PLD1: variants seen among roughly 807,000 people sequenced by gnomAD.
PLD1 encodes choline phosphatase 1.
In PLD1, 112 loss-of-function variants were observed where a neutral mutation model predicts 137.1. The ratio of observed to expected loss-of-function variants is 0.82; its 90% CI spans 0.70 to 0.96. The LOEUF (loss-of-function observed/expected upper bound fraction) is 0.96, where lower values mean the gene tolerates loss of function less well. Ranked by LOEUF, PLD1 falls within the 40% of genes least tolerant of loss-of-function variation. The pLI is 0.00. For synonymous variants in PLD1, 431 were observed against 454.7 expected (o/e 0.95, Z 0.66); for missense variants, 1,321 against 1,342.0 (o/e 0.98, Z 0.24).
intron 1 of PLD1, among the ~76,000 whole-genome samples, chr3:171,761,056 A>C (rs1001319040): frequency 2.0e-5 from 3 of 152,204 alleles, no homozygotes; most frequent in African/African-American, 7.2e-5. Context: ...TAATAAGATA[A>C]ATGTATACAT....
At chr3:171,704,457 G>GAAAAAAAAAAAAAAAAAAAAAAAAA (rs1362665761) in intron 11 of PLD1, among the ~76,000 whole-genome samples, 3 of 98,178 alleles carry the variant, frequency 3.1e-5, no homozygotes, top group African/African-American at 9.2e-5. Context: ...CAAAGAACCA[G>GAAAAAAAAAAAAAAAAAAAAAAAAA]GAAAAAAAAA....
intron 1 of PLD1, among the ~76,000 whole-genome samples, chr3:171,785,978 C>T (rs916735501): frequency 3.9e-5 from 6 of 152,164 alleles, no homozygotes; most frequent in African/African-American, 1.2e-4. Context: ...GCTTACCACA[C>T]AGGAGGGGTT....
intron 21 of PLD1, among the ~76,000 whole-genome samples, chr3:171,658,252 G>A (rs2108427010): frequency 6.6e-6 from 1 of 152,294 alleles, no homozygotes; most frequent in South Asian, 2.1e-4. Context: ...TTGGAAGACA[G>A]TCTGGCAGTT....
chr3:171,692,418 T>A lies in PLD1; in HGVS notation c.1252A>T (p.Met418Leu), dbSNP rs1228448342. The A allele has an allele frequency of 6.3e-7, 1 of 1,592,976 alleles. No homozygotes were observed. The highest frequency in any genetic ancestry group is 1.1e-5 in the South Asian group (1 of 90,606). Residue 418 changes from methionine to leucine, a missense_variant, in exon 13 of 27, where the codon ATG becomes TTG. Coordinates refer to ENST00000351298, the MANE Select transcript of PLD1 (RefSeq NM_002662.5). ...KAQQGVRIFI[M>L]LYKEVELALG... ...GCGAGTTCCACCTCTTTGTAGAGCA[T>A]TATGAAGATCCTCACTCCTTGTTGC...
At chr3:171,631,864 A>C (rs1734695190) in intron 23 of PLD1, among the ~76,000 whole-genome samples, 1 of 152,206 alleles carries the variant, frequency 6.6e-6, no homozygotes, top group Non-Finnish European at 1.5e-5. Flanking sequence ...ATATAGAAAA[A>C]AATGATGGAA....
intron 1 of PLD1, among the ~76,000 whole-genome samples, chr3:171,805,751 T>A (rs949874842): frequency 1.3e-5 from 2 of 152,256 alleles, no homozygotes; most frequent in African/African-American, 4.8e-5. Context: ...GAGGATGGAA[T>A]CACAGGTTAT....
intron 1 of PLD1, among the ~76,000 whole-genome samples, chr3:171,749,392 C>T (rs1407706489): frequency 1.3e-5 from 2 of 152,178 alleles, no homozygotes; most frequent in Non-Finnish European, 2.9e-5. Context: ...GCTACACTGC[C>T]TATTTAAAAG....
intron 21 of PLD1, among the ~76,000 whole-genome samples, chr3:171,652,744 G>A (rs892229480): frequency 3.4e-5 from 5 of 146,508 alleles, no homozygotes; most frequent in Non-Finnish European, 5.9e-5. Context: ...GGGACCACAG[G>A]CATGTACCAG....
intron 14 of PLD1, among the ~76,000 whole-genome samples, chr3:171,687,882 G>C (rs1714739790): frequency 6.6e-6 from 1 of 152,118 alleles, no homozygotes. Context: ...ATTCAGTGTT[G>C]AGCTCCTGAA....
At chr3:171,700,675 T>C (rs1578310412) in intron 11 of PLD1, among the ~76,000 whole-genome samples, 2 of 152,264 alleles carry the variant, frequency 1.3e-5, no homozygotes, top group South Asian at 4.1e-4. Context: ...ACACATGACT[T>C]CCTATACAAA....
chr3:171,785,496 T>C (rs1257196335), intron 1 of PLD1, among the ~76,000 whole-genome samples: 1 of 151,366 alleles, frequency 6.6e-6, no homozygotes, highest in Non-Finnish European at 1.5e-5. Context: ...TGGAGTGCAC[T>C]GGCATGATCT....
At chr3:171,677,520 G>A in intron 17 of PLD1, 46 bp downstream of exon 17, 1 of 1,582,448 alleles carries the variant, frequency 6.3e-7, no homozygotes, top group Non-Finnish European at 8.6e-7. Flanking sequence ...GATGTTCAAA[G>A]GTAAAAGACA....
intron 1 of PLD1, among the ~76,000 whole-genome samples, chr3:171,750,730 T>G (rs930875410): frequency 3.3e-5 from 5 of 152,158 alleles, no homozygotes; most frequent in Admixed American, 3.3e-4. Context: ...GCTATAAGAT[T>G]GAAACAACAT....
At chr3:171,734,502 C>T (rs755341073) in intron 5 of PLD1, among the ~76,000 whole-genome samples, 1 of 152,084 alleles carries the variant, frequency 6.6e-6, no homozygotes, top group Non-Finnish European at 1.5e-5. Context: ...TTAAGATGGG[C>T]TATTACAAAC....
In PLD1 at chr3:171,612,209, C is replaced by A. The variant is rs1463806261; in HGVS notation, c.2882+70G>T. The A allele has an allele frequency of 7.6e-6, 11 of 1,446,392 alleles. No homozygotes were observed. In the East Asian group the frequency reaches 1.6e-4, roughly 21 times the overall value. 89.6% of individuals were successfully genotyped at this position (1,446,392 alleles called of 1,614,324 possible). ...CCTAGGATGACCCATGTGCTCAGGG[C>A]TAGCGGGGCTGGGTCCCAGCGACTG... On this transcript the variant is annotated intron_variant, in intron 25 of 26. Coordinates refer to ENST00000351298, the MANE Select transcript of PLD1 (RefSeq NM_002662.5). This position sits in a 1 kb window ranked among gnomAD's most constrained non-coding sequence, Gnocchi z 4.1.
chr3:171,650,888 C>A (rs184098577), intron 21 of PLD1, among the ~76,000 whole-genome samples: 1 of 150,638 alleles, frequency 6.6e-6, no homozygotes, highest in African/African-American at 2.4e-5. Flanking sequence ...GGCGACAGAG[C>A]GAGAATCCGT....
chr3:171,753,053 G>T (rs1182432891), intron 1 of PLD1, among the ~76,000 whole-genome samples: 1 of 152,110 alleles, frequency 6.6e-6, no homozygotes, highest in Non-Finnish European at 1.5e-5. Flanking sequence ...CTGTTTCAGG[G>T]GTGGATTATT....
intron 1 of PLD1, among the ~76,000 whole-genome samples, chr3:171,745,987 C>G (rs557284793): frequency 1.3e-5 from 2 of 151,226 alleles, no homozygotes; most frequent in African/African-American, 4.9e-5. Flanking sequence ...CTCAGAGCGG[C>G]TGGCGCCACC....
Position 171,751,634 on chromosome 3 carries a change from G to A in PLD1, c.-31-13552C>T, listed in dbSNP as rs553072334. ...TCATTGGATCGGAAAATTTTTCCAAGTATAAAATTACAATGTATTGGTGAG... is the reference window on the plus strand; with the variant it reads ...TCATTGGATCGGAAAATTTTTCCAAATATAAAATTACAATGTATTGGTGAG... On this transcript the variant is annotated intron_variant, in intron 1 of 26. Coordinates refer to ENST00000351298, the MANE Select transcript of PLD1 (RefSeq NM_002662.5). 2.9e-3 allele frequency among the ~76,000 whole-genome samples: 439 copies of A among 152,284 alleles called. 3 individuals are homozygous for A. The highest frequency in any genetic ancestry group is 9.8e-3 in the African/African-American group (407 of 41,564).
Sources: gnomAD v4.1 joint callset for allele counts (sites outside exome capture counted in the v4.1 genomes callset) on GRCh38, gnomAD v4.1.1 for gene constraint, Gnocchi (gnomAD v3.1) non-coding constraint, MANE v1.5 for transcripts, NCBI Gene and HGNC (gene_info 2026-07-23, HGNC 2026-07-21) for gene names.